Variants in PICALM observed in about 807,000 individuals in gnomAD.
The protein encoded by PICALM is phosphatidylinositol-binding clathrin assembly protein.
In PICALM, 40 loss-of-function variants were observed where a neutral mutation model predicts 80.5. The observed-to-expected ratio is 0.50, with a 90% CI of 0.39 to 0.65. The LOEUF is 0.65. PICALM is among the 30% of genes least tolerant of loss of function. The pLI, the probability that PICALM is intolerant of heterozygous loss-of-function variation, is 0.00. For synonymous variants in PICALM, 288 were observed against 260.3 expected (o/e 1.11, Z -1.02); for missense variants, 676 against 778.9 (o/e 0.87, Z 1.57).
intron 12 of PICALM, among the ~76,000 whole-genome samples, chr11:85,990,961 A>G (rs1415058629): frequency 1.3e-5 from 2 of 152,216 alleles, no homozygotes; most frequent in Non-Finnish European, 2.9e-5. Flanking sequence ...ACAGAGATGA[A>G]AGAATGTCCA....
chr11:85,973,853 A>C (rs554449179), intron 19 of PICALM, among the ~76,000 whole-genome samples: 2 of 152,038 alleles, frequency 1.3e-5, no homozygotes, highest in Non-Finnish European at 2.9e-5. Context: ...CAACCATTTA[A>C]GAAAAGGAGG....
intron 13 of PICALM, among the ~76,000 whole-genome samples, chr11:85,989,627 G>C (rs112768916): frequency 6.6e-6 from 1 of 151,958 alleles, no homozygotes; most frequent in African/African-American, 2.4e-5. Context: ...GTGAAATTCT[G>C]CCTTTTTATA....
At chr11:86,023,272 C>G (rs192750880) in intron 3 of PICALM, 1 of 188,544 alleles carries the variant, frequency 5.3e-6, no homozygotes, top group African/African-American at 2.4e-5. Context: ...ATACCAAAAC[C>G]AACCAAAATG....
chr11:86,032,735 GC>G (rs2136813386), intron 1 of PICALM, among the ~76,000 whole-genome samples: 2 of 152,198 alleles, frequency 1.3e-5, no homozygotes, highest in East Asian at 3.9e-4. Flanking sequence ...AAATGTCTCA[GC>G]TATACTACAA....
chr11:86,009,115 G>C lies in PICALM; in HGVS notation c.766-1532C>G, dbSNP rs553647104. 1.3e-4 allele frequency among the ~76,000 whole-genome samples: 19 copies of C among 150,992 alleles called. 1 individual carries two copies. The South Asian group carries it at 3.8e-3, about 30-fold the overall frequency. On this transcript the variant is annotated intron_variant, in intron 7 of 19. Transcript: ENST00000393346. ...AGGTCAGGAGTTCCAGATTAGCCCG[G>C]CCAACATGGTGAAACCTCATCTCTA...
intron 19 of PICALM, among the ~76,000 whole-genome samples, chr11:85,966,377 CTTAGAA>C (rs1365043092): frequency 6.6e-6 from 1 of 152,128 alleles, no homozygotes; most frequent in Non-Finnish European, 1.5e-5. Flanking sequence ...CAATTCTCCT[CTTAGAA>C]TTAGAGAATA....
intron 1 of PICALM, among the ~76,000 whole-genome samples, chr11:86,059,163 G>A (rs1007208564): frequency 1.3e-5 from 2 of 152,212 alleles, no homozygotes; most frequent in East Asian, 1.9e-4. Flanking sequence ...AATGTCTACT[G>A]GCATAGATTT....
intron 6 of PICALM, 151 bp downstream of exon 6, chr11:86,012,130 T>C: frequency 2.4e-6 from 1 of 417,526 alleles, no homozygotes; most frequent in East Asian, 3.5e-5. Context: ...CAGAAGTAAT[T>C]AGGTATAAAA....
intron 8 of PICALM, chr11:86,003,739 A>G (rs538640611): frequency 1.4e-5 from 3 of 221,328 alleles, no homozygotes; most frequent in African/African-American, 6.8e-5. Context: ...TTAAAGTAAA[A>G]CCATACTCCT....
At chr11:86,025,076 T>C (rs1298554356) in intron 3 of PICALM, among the ~76,000 whole-genome samples, 1 of 152,220 alleles carries the variant, frequency 6.6e-6, no homozygotes, top group Non-Finnish European at 1.5e-5. Context: ...TGGACAGCTA[T>C]AACCACATTA....
chr11:85,994,718 ATTTCT>A (rs775497007), intron 12 of PICALM, among the ~76,000 whole-genome samples: 20 of 152,220 alleles, frequency 1.3e-4, no homozygotes, highest in East Asian at 3.9e-4. Context: ...CATACATGAG[ATTTCT>A]TTTCTTTTCT....
upstream of PICALM, chr11:86,069,357 G>A (rs758001294): frequency 1.3e-5 from 2 of 157,440 alleles, no homozygotes; most frequent in South Asian, 1.9e-4. Flanking sequence ...CGGCCCGCGG[G>A]GTCACAGACG....
intron 13 of PICALM, among the ~76,000 whole-genome samples, chr11:85,987,336 T>C (rs767351291): frequency 3.3e-5 from 5 of 152,200 alleles, no homozygotes; most frequent in Non-Finnish European, 7.3e-5. Flanking sequence ...TGTTTGATTC[T>C]AGAATCTATT....
Position 85,958,954 on chromosome 11 carries a change from T to G in PICALM, c.*92A>C. ...AATGGAAGAAGAGAGTTTAAGAGAT[T>G]TAAGAGACAGCAGTTTGGATTTTGC... On this transcript the variant is annotated 3_prime_UTR_variant, in exon 20 of 20. Coordinates refer to ENST00000393346, the MANE Select transcript of PICALM (RefSeq NM_007166.4). The G allele has an allele frequency of 1.1e-6, 1 of 894,466 alleles. No homozygotes were observed. Among genetic ancestry groups the G allele is most frequent in the African/African-American group, 1.7e-5 (1 of 60,148 alleles). 55.4% of individuals were successfully genotyped at this position (894,466 alleles called of 1,614,324 possible). A position where few individuals can be genotyped will look rare whatever the true frequency, so the allele number is the denominator to read the frequency against.
chr11:86,023,687 T>A (rs1678131781), intron 3 of PICALM: 1 of 436,862 alleles, frequency 2.3e-6, no homozygotes, highest in East Asian at 1.6e-4. Flanking sequence ...CTGCTCTGCA[T>A]CTTGTTTTCC....
At chr11:86,015,878 G>A (rs1289800703) in intron 4 of PICALM, among the ~76,000 whole-genome samples, 1 of 152,116 alleles carries the variant, frequency 6.6e-6, no homozygotes, top group Non-Finnish European at 1.5e-5. Flanking sequence ...CATGAACTAT[G>A]ACCTCAGACG....
chr11:86,029,686 T>C (rs2136714993), intron 2 of PICALM, among the ~76,000 whole-genome samples: 1 of 152,368 alleles, frequency 6.6e-6, no homozygotes, highest in South Asian at 2.1e-4. Context: ...TTGTGGCTTT[T>C]TCTTTTTAAA....
intron 13 of PICALM, among the ~76,000 whole-genome samples, chr11:85,990,008 C>CAAAAAAAA (rs5793177): frequency 2.6e-4 from 23 of 89,260 alleles, no homozygotes; most frequent in Non-Finnish European, 2.7e-4. Flanking sequence ...AACCAAACAC[C>CAAAAAAAA]AAAAAAAAAA....
At chr11:86,068,585 A>C in intron 1 of PICALM, 66 bp downstream of exon 1, 1 of 1,479,388 alleles carries the variant, frequency 6.8e-7, no homozygotes, top group Non-Finnish European at 9.2e-7. Flanking sequence ...GACAAGAGAG[A>C]GAGAGAAGGA....
Sources: allele counts gnomAD v4.1 joint callset (sites outside exome capture counted in the v4.1 genomes callset), GRCh38; gene constraint gnomAD v4.1.1; transcripts MANE v1.5; gene names NCBI Gene and HGNC (gene_info 2026-07-23, HGNC 2026-07-21).